Variants in SMPD1 observed in about 807,000 individuals in gnomAD.
The protein encoded by SMPD1 is sphingomyelin phosphodiesterase.
Under a neutral mutation model 49.7 loss-of-function variants are expected in SMPD1, and 47 were observed. The observed-to-expected ratio is 0.95, with a 90% CI of 0.75 to 1.21. The LOEUF is 1.21. Among genes scored for constraint, SMPD1 ranks in the 50% most tolerant of loss-of-function variants. SMPD1 has a pLI of 0.00. For missense variants in SMPD1, 811 were observed against 822.2 expected (o/e 0.99, Z 0.17); for synonymous variants, 336 against 339.6 (o/e 0.99, Z 0.12).
rs67992843 is a variant in SMPD1, at chr11:6,392,313, G to C, written c.1091+157G>C. 0.16 allele frequency: 86,079 copies of C among 530,956 alleles called. 6,734 individuals are homozygous for C. Among genetic ancestry groups the C allele is most frequent in the African/African-American group, 0.25 (11,321 of 46,106 alleles). The allele number at this position is 530,956 out of a possible 1,614,324, so 32.9% of individuals were successfully genotyped here. On this transcript the variant is annotated intron_variant, in intron 2 of 5. Transcript: ENST00000342245. ...TCTGACTCCTCCTTCCCTTTCTACT[G>C]TTTTGCCGCACCAGGCTTTTTTTTT... is the stretch of plus-strand genomic sequence containing the variant.
At chr11:6,391,060 T>A in intron 1 of SMPD1, 144 bp downstream of exon 1, 2 of 1,099,308 alleles carry the variant, frequency 1.8e-6, no homozygotes, top group African/African-American at 1.6e-5. Context: ...TTGCTCCCCT[T>A]TGGGGACACC....
Position 6,391,859 on chromosome 11 carries a change from G to C in SMPD1, c.794G>C (p.Gly265Ala). Reference sequence around the variant, plus strand: ...AGGACCCTGGAGAGCCTGTTGAGTGGGCTGGGCCCAGCCGGCCCTTTTGAT... The same window carrying C: ...AGGACCCTGGAGAGCCTGTTGAGTGCGCTGGGCCCAGCCGGCCCTTTTGAT... ...PLRTLESLLS[G>A]LGPAGPFDMV... Residue 265 changes from glycine to alanine, a missense_variant, in exon 2 of 6, where the codon GGG (glycine) becomes GCG (alanine). By Grantham distance (60) the Gly-to-Ala change is moderately conservative (BLOSUM62 0). Transcript: ENST00000342245. The C allele has an allele frequency of 1.2e-6, 2 of 1,613,928 alleles. No homozygotes were observed. The highest frequency in any genetic ancestry group is 1.6e-4 in the Middle Eastern group (1 of 6,062).
Position 6,393,146 on chromosome 11 carries a change from AC to A in SMPD1, c.1092-67del. On this transcript the variant is annotated intron_variant, in intron 2 of 5. Coordinates refer to ENST00000342245, the MANE Select transcript of SMPD1 (RefSeq NM_000543.5). ...GATGTCATGTATGCTTTTACCCTCC[AC>A]CCAAATGCCCAGCACAGGAGGACCA... 3 of 1,368,576 alleles carry A rather than the reference AC, an allele frequency of 2.2e-6. No individual in the cohort carries two copies. The South Asian group carries it at 3.7e-5, about 17-fold the overall frequency. 84.8% of individuals were successfully genotyped at this position (1,368,576 alleles called of 1,614,324 possible). A position where few individuals can be genotyped will look rare whatever the true frequency, so the allele number is the denominator to read the frequency against.
At position 6,394,633 on chromosome 11, in the gene SMPD1, G is replaced by A. The variant is rs759631410; in HGVS notation, c.*26G>A. 1.3e-6 allele frequency: 2 copies of A among 1,586,376 alleles called. No individual in the cohort carries two copies. Among genetic ancestry groups the A allele is most frequent in the African/African-American group, 1.3e-5 (1 of 74,782 alleles). ...GGCCCCAGGGCCCACATTTGGGAAA[G>A]TTCTTGATGTAGGAAAGGGTGAAAA... is the stretch of plus-strand genomic sequence containing the variant. On this transcript the variant is annotated 3_prime_UTR_variant, in exon 6 of 6. Coordinates refer to ENST00000342245, the MANE Select transcript of SMPD1 (RefSeq NM_000543.5).
Position 6,393,242 on chromosome 11 carries a change from CA to C in SMPD1, c.1119del (p.Tyr374ThrfsTer11). On this transcript the variant is annotated frameshift_variant, in exon 3 of 6. Transcript: ENST00000342245. LOFTEE classifies it high-confidence loss of function. The stretch of plus-strand genomic sequence containing the variant: ...ATTGGGGGGTTCTATGCTCTTTCCC[CA>C]TACCCCGGTCTCCGCCTCATCTCTC... ...LRIGGFYALS[P>X]YPGLRLISLN... The C allele has an allele frequency of 6.2e-7, 1 of 1,613,964 alleles. No homozygotes were observed. The highest frequency in any genetic ancestry group is 2.2e-5 in the East Asian group (1 of 44,876).
At chr11:6,394,078 G>T (rs774882349) in intron 5 of SMPD1, 37 bp downstream of exon 5, 1 of 1,613,996 alleles carries the variant, frequency 6.2e-7, no homozygotes, top group East Asian at 2.2e-5. Context: ...TTATCCTGGA[G>T]TTGGTGGGAT....
chr11:6,390,711 C>CGCTGGT lies in SMPD1; in HGVS notation c.118_119insTGCTGG (p.Leu39_Ala40insValLeu), dbSNP rs1464778478. On this transcript the variant is annotated inframe_insertion, in exon 1 of 6. Transcript: ENST00000342245. ...CTCCTTTGGATGGGCCTGGTGCTGG[C>CGCTGGT]GCTGGCGCTGGCGCTGGCGCTGGCG... 1.7e-5 allele frequency: 9 copies of CGCTGGT among 519,182 alleles called. No individual in the cohort carries two copies. Among genetic ancestry groups the CGCTGGT allele is most frequent in the Non-Finnish European group, 2.6e-5 (9 of 341,792 alleles). The allele number at this position is 519,182 out of a possible 1,614,324, so 32.2% of individuals were successfully genotyped here. A position where few individuals can be genotyped will look rare whatever the true frequency, so the allele number is the denominator to read the frequency against.
rs2134009327 is a variant in SMPD1, at chr11:6,391,521, G to A, written c.456G>A (p.Val152=). ...TGGTGGAGGTGTGGAGACGCTCAGTGCTGAGCCCATCTGAGGCCTGTGGCC... is the reference window on the plus strand; with the variant it reads ...TGGTGGAGGTGTGGAGACGCTCAGTACTGAGCCCATCTGAGGCCTGTGGCC... ...DDMVEVWRRS[V]LSPSEACGLL... The change falls in exon 2 of 6, where the codon GTG becomes GTA. Residue 152 remains valine (V), a synonymous_variant. Coordinates refer to ENST00000342245, the MANE Select transcript of SMPD1 (RefSeq NM_000543.5). 1 of 1,614,050 alleles carries A rather than the reference G, an allele frequency of 6.2e-7. No homozygotes were observed. Among genetic ancestry groups the A allele is most frequent in the Non-Finnish European group, 8.5e-7 (1 of 1,180,020 alleles).
intron 2 of SMPD1, 98 bp from the exon 3 acceptor site, chr11:6,393,118 G>A: frequency 1.0e-6 from 1 of 963,834 alleles, no homozygotes; most frequent in Non-Finnish European, 1.6e-6. Context: ...TGCAGGTGGG[G>A]AAGATGTCAT....
rs773457550 is a variant in SMPD1 at position 6,390,857 on chromosome 11, G to C, written c.259G>C (p.Gly87Arg). The change falls in exon 1 of 6, where the codon GGG (glycine) becomes CGG (arginine). Residue 87 changes from glycine (G) to arginine (R), a missense_variant. Physicochemically the swap from Gly to Arg is moderately radical, Grantham distance 125 (BLOSUM62 -2). Transcript: ENST00000342245. The stretch of plus-strand genomic sequence containing the variant: ...CCGGCTCCGAGATGTCTTTGGGTGG[G>C]GGAACCTCACCTGCCCAATCTGCAA... ...VPRLRDVFGWGNLTCPICKGL... is the reference protein window; with the variant it reads ...VPRLRDVFGWRNLTCPICKGL... The C allele has an allele frequency of 4.3e-6, 7 of 1,614,232 alleles. No homozygotes were observed. The highest frequency in any genetic ancestry group is 5.9e-6 in the Non-Finnish European group (7 of 1,180,038).
At chr11:6,392,876 T>A (rs1278078175) in intron 2 of SMPD1, among the ~76,000 whole-genome samples, 3 of 152,066 alleles carry the variant, frequency 2.0e-5, no homozygotes, top group Non-Finnish European at 4.4e-5. Flanking sequence ...CCCAGCTGTG[T>A]CTTTGCTCAT....
chr11:6,394,585 G>T lies in SMPD1; in HGVS notation c.1874G>T (p.Trp625Leu). ...DGSLPEAQSLWPRPLFC is the reference protein window; with the variant it reads ...DGSLPEAQSLLPRPLFC The stretch of plus-strand genomic sequence containing the variant: ...AGCCTCCCAGAGGCCCAGAGCCTGT[G>T]GCCAAGGCCACTGTTTTGCTAGGGC... The change falls in exon 6 of 6, where the codon TGG (tryptophan) becomes TTG (leucine). Residue 625 changes from tryptophan to leucine, a missense_variant. Trp to Leu is a moderately conservative substitution (Grantham distance 61). Coordinates refer to ENST00000342245, the MANE Select transcript of SMPD1 (RefSeq NM_000543.5). The T allele has an allele frequency of 6.2e-7, 1 of 1,603,714 alleles. No individual in the cohort carries two copies.
In SMPD1 at chr11:6,392,038, C is replaced by G. The variant is rs761308217; in HGVS notation, c.973C>G (p.Pro325Ala). Residue 325 changes from proline to alanine, a missense_variant, in exon 2 of 6, where the codon CCT (proline) becomes GCT (alanine). Coordinates refer to ENST00000342245, the MANE Select transcript of SMPD1 (RefSeq NM_000543.5). ...TGCTGTGGGTAACCATGAAAGCACA[C>G]CTGTCAATAGCTTCCCTCCCCCCTT... ...YPAVGNHEST[P>A]VNSFPPPFIE... The G allele has an allele frequency of 2.4e-5, 39 of 1,614,054 alleles. No homozygotes were observed. The highest frequency in any genetic ancestry group is 3.3e-5 in the Non-Finnish European group (39 of 1,180,044).
At chr11:6,393,736 C>T (rs758784751) in intron 4 of SMPD1, 43 bp downstream of exon 4, 2 of 1,577,620 alleles carry the variant, frequency 1.3e-6, no homozygotes, top group Admixed American at 3.3e-5. Context: ...GGGTGAGTGT[C>T]TGAAGGCTGA....
At position 6,391,623 on chromosome 11, in the gene SMPD1, GC is replaced by G. The variant is rs756366019; in HGVS notation, c.564del (p.Lys189AsnfsTer68). 3 of 1,466,642 alleles carry G rather than the reference GC, an allele frequency of 2.0e-6. No homozygotes were observed. The highest frequency in any genetic ancestry group is 2.4e-5 in the South Asian group (2 of 82,490). The allele number at this position is 1,466,642 out of a possible 1,614,324, so 90.9% of individuals were successfully genotyped here. ...TCTCTTTGCCTACTGTGCCGAAGCC[GC>G]CCCCCAAACCCCCTAGCCCCCCAGC... ...NISLPTVPKP[P>X]PKPPSPPAPG... On this transcript the variant is annotated frameshift_variant, in exon 2 of 6. Transcript: ENST00000342245. LOFTEE classifies it high-confidence loss of function.
At chr11:6,392,218 A>G (rs770401009) in intron 2 of SMPD1, 62 bp downstream of exon 2, 13 of 1,593,678 alleles carry the variant, frequency 8.2e-6, no homozygotes, top group Middle Eastern at 1.7e-4. Context: ...TGAAGGGAGA[A>G]GGGAACCTGG....
intron 1 of SMPD1, 106 bp downstream of exon 1, chr11:6,391,022 G>A (rs1185727827): frequency 1.4e-6 from 2 of 1,404,774 alleles, no homozygotes; most frequent in Admixed American, 3.8e-5. Context: ...CTGATGGAGA[G>A]GGTGGCATCT....
At position 6,391,904 on chromosome 11, in the gene SMPD1, A is replaced by ACATCCCCG. The variant is rs281860677; in HGVS notation, c.842_849dup (p.His284SerfsTer18). 1 of 1,613,946 alleles carries ACATCCCCG rather than the reference A, an allele frequency of 6.2e-7. No homozygotes were observed. The highest frequency in any genetic ancestry group is 2.2e-5 in the East Asian group (1 of 44,892). On this transcript the variant is annotated frameshift_variant, in exon 2 of 6. Coordinates refer to ENST00000342245, the MANE Select transcript of SMPD1 (RefSeq NM_000543.5). LOFTEE classifies it high-confidence loss of function. ...TTTGATATGGTGTACTGGACAGGAG[A>ACATCCCCG]CATCCCCGCACATGATGTCTGGCAC...
intron 4 of SMPD1, 94 bp from the exon 5 acceptor site, chr11:6,393,802 C>CA: frequency 6.4e-7 from 1 of 1,565,998 alleles, no homozygotes; most frequent in Non-Finnish European, 8.8e-7. Context: ...GGAGGCTCCT[C>CA]ACTAGAACAG....
Sources: allele counts gnomAD v4.1 joint callset (sites outside exome capture counted in the v4.1 genomes callset), GRCh38; gene constraint gnomAD v4.1.1; transcripts MANE v1.5; gene names NCBI Gene and HGNC (gene_info 2026-07-23, HGNC 2026-07-21).